Variants in P2RY12 observed in about 807,000 individuals in gnomAD.
P2RY12 encodes purinergic receptor P2Y12, also known as P2Y purinoceptor 12.
In P2RY12, 3 loss-of-function variants were observed where a neutral mutation model predicts 4.5. That is an observed-to-expected ratio of 0.67 (90% CI 0.31 to 1.74). The LOEUF (loss-of-function observed/expected upper bound fraction) is 1.74, where lower values mean the gene tolerates loss of function less well. Among genes scored for constraint, P2RY12 ranks in the 40% most tolerant of loss-of-function variants. The probability of loss-of-function intolerance (pLI) is 0.09; values close to 1 mark genes in which losing one functional copy is unlikely to be tolerated. For missense variants in P2RY12, 356 were observed against 407.8 expected (o/e 0.87, Z 1.09); for synonymous variants, 148 against 154.1 (o/e 0.96, Z 0.29).
intron 1 of P2RY12, among the ~76,000 whole-genome samples, chr3:151,356,509 A>C (rs779759887): frequency 6.6e-6 from 1 of 152,226 alleles, no homozygotes; most frequent in Non-Finnish European, 1.5e-5. Flanking sequence ...GTGAATTAAC[A>C]GTCTTAAACT....
At chr3:151,372,865 T>A in intron 1 of P2RY12, 3 of 824,166 alleles carry the variant, frequency 3.6e-6, no homozygotes, top group Non-Finnish European at 5.6e-6. Flanking sequence ...GTGGGCCTTT[T>A]TTTCTTGCTC....
At chr3:151,369,565 C>T (rs756626201) in intron 1 of P2RY12, 10 of 1,506,504 alleles carry the variant, frequency 6.6e-6, no homozygotes, top group Non-Finnish European at 9.1e-6. Context: ...ATTATTCTGA[C>T]CCTAAGCTTC....
At chr3:151,378,238 G>T (rs1711572670) in intron 1 of P2RY12, 1 of 1,444,652 alleles carries the variant, frequency 6.9e-7, no homozygotes, top group Non-Finnish European at 9.2e-7. Flanking sequence ...CTCACTTCCT[G>T]TAAACCTGTG....
At chr3:151,377,139 C>A in intron 1 of P2RY12, 1 of 1,613,842 alleles carries the variant, frequency 6.2e-7, no homozygotes, top group East Asian at 2.2e-5. Flanking sequence ...AGTGCTGATA[C>A]AAGTAGCACG....
intron 1 of P2RY12, among the ~76,000 whole-genome samples, chr3:151,348,572 T>G (rs1386572860): frequency 2.0e-5 from 3 of 150,204 alleles, no homozygotes; most frequent in East Asian, 1.9e-4. Context: ...GCTCCTAGCT[T>G]CTTTTTTTTT....
intron 1 of P2RY12, chr3:151,367,508 T>C: frequency 1.5e-6 from 1 of 664,186 alleles, no homozygotes; most frequent in East Asian, 2.9e-5. Flanking sequence ...ATCATCATGA[T>C]ATGTTATCAT....
chr3:151,339,105 T>C (rs938801988), intron 2 of P2RY12, among the ~76,000 whole-genome samples: 1 of 152,188 alleles, frequency 6.6e-6, no homozygotes, highest in Non-Finnish European at 1.5e-5. Flanking sequence ...TAGTATTTTT[T>C]TATTTGTTGA....
chr3:151,357,867 G>A (rs564151760), intron 1 of P2RY12, among the ~76,000 whole-genome samples: 2 of 152,114 alleles, frequency 1.3e-5, no homozygotes, highest in Non-Finnish European at 1.5e-5. Flanking sequence ...TCAGTTGTAG[G>A]CTGGGGCTTA....
chr3:151,370,296 G>C (rs1756015568), intron 1 of P2RY12, among the ~76,000 whole-genome samples: 1 of 151,950 alleles, frequency 6.6e-6, no homozygotes, highest in African/African-American at 2.4e-5. Flanking sequence ...ACCTTCTTTT[G>C]GTCTTGACTC....
intron 1 of P2RY12, among the ~76,000 whole-genome samples, chr3:151,374,442 G>A (rs1367440855): frequency 6.6e-6 from 1 of 152,162 alleles, no homozygotes; most frequent in Non-Finnish European, 1.5e-5. Context: ...CAGCTACTTG[G>A]GAGGCTGAGG....
At chr3:151,377,054 G>A in intron 1 of P2RY12, 1 of 1,614,088 alleles carries the variant, frequency 6.2e-7, no homozygotes. Flanking sequence ...AACAATAGAG[G>A]TATTCCAGCA....
intron 1 of P2RY12, among the ~76,000 whole-genome samples, chr3:151,375,040 A>T (rs929894117): frequency 3.3e-5 from 5 of 152,188 alleles, no homozygotes; most frequent in African/African-American, 1.2e-4. Context: ...AACTATGGTA[A>T]AAGATAGCTA....
intron 1 of P2RY12, among the ~76,000 whole-genome samples, chr3:151,347,225 C>T (rs971069818): frequency 6.6e-6 from 1 of 152,134 alleles, no homozygotes; most frequent in Admixed American, 6.5e-5. Flanking sequence ...GTAAAGTTTC[C>T]TACAAAACTA....
chr3:151,376,193 G>T (rs1248061409), intron 1 of P2RY12: 1 of 1,591,290 alleles, frequency 6.3e-7, no homozygotes, highest in East Asian at 2.3e-5. Context: ...TGCAAAGACA[G>T]CACATTAAGC....
intron 2 of P2RY12, 38 bp from the exon 3 acceptor site, chr3:151,338,897 A>T (rs757770181): frequency 6.3e-7 from 1 of 1,579,696 alleles, no homozygotes; most frequent in Admixed American, 1.7e-5. Context: ...TTTCAGCCTA[A>T]GGTAGTTATT....
At chr3:151,373,501 A>T (rs553612375) in intron 1 of P2RY12, among the ~76,000 whole-genome samples, 2 of 151,606 alleles carry the variant, frequency 1.3e-5, no homozygotes, top group South Asian at 4.2e-4. Flanking sequence ...CACCCCTCAT[A>T]AGCATTCATT....
intron 1 of P2RY12, among the ~76,000 whole-genome samples, chr3:151,378,845 T>C (rs981816033): frequency 5.9e-5 from 9 of 152,246 alleles, no homozygotes; most frequent in African/African-American, 1.9e-4. Flanking sequence ...AATAATACTA[T>C]AGTAGCCACC....
intron 1 of P2RY12, among the ~76,000 whole-genome samples, chr3:151,370,405 C>G (rs1301439409): frequency 1.3e-5 from 2 of 152,108 alleles, no homozygotes; most frequent in Non-Finnish European, 2.9e-5. Context: ...GGGCTATAAT[C>G]TTGCTCTGCT....
chr3:151,353,759 T>G (rs1753540895), intron 1 of P2RY12, among the ~76,000 whole-genome samples: 1 of 152,252 alleles, frequency 6.6e-6, no homozygotes. Context: ...ATCTGTAAAG[T>G]AACCTTTGTT....
Sources: gnomAD v4.1 joint callset for allele counts (sites outside exome capture counted in the v4.1 genomes callset) on GRCh38, gnomAD v4.1.1 for gene constraint, MANE v1.5 for transcripts, NCBI Gene and HGNC (gene_info 2026-07-23, HGNC 2026-07-21) for gene names.